UGT1A8: variants seen among roughly 807,000 people sequenced by gnomAD.
UGT1A8 encodes the protein UDP glucuronosyltransferase family 1 member A8.
A neutral mutation model predicts 45.3 loss-of-function variants in UGT1A8; 39 were observed. The ratio of observed to expected loss-of-function variants is 0.86; its 90% confidence interval spans 0.67 to 1.12. The LOEUF (loss-of-function observed/expected upper bound fraction) is 1.12, where lower values mean the gene tolerates loss of function less well. Among genes scored for constraint, UGT1A8 ranks in the 50% most tolerant of loss-of-function variants. The pLI is 0.00. For missense variants in UGT1A8, 719 were observed against 664.9 expected (o/e 1.08, Z -0.90); for synonymous variants, 275 against 249.2 (o/e 1.10, Z -0.97).
chr2:233,757,567 T>TATATATATATATATATA (rs1553619947), intron 1 of UGT1A8, among the ~76,000 whole-genome samples: 5 of 142,918 alleles, frequency 3.5e-5, no homozygotes, highest in Non-Finnish European at 7.6e-5. Context: ...TATATGTATA[T>TATATATATATATATATA]ATGATATAGC....
intron 1 of UGT1A8, among the ~76,000 whole-genome samples, chr2:233,651,821 A>G (rs1281933332): frequency 6.6e-6 from 1 of 152,204 alleles, no homozygotes; most frequent in African/African-American, 2.4e-5. Context: ...GTGCATGCAC[A>G]CATGTGTCAG....
At position 233,677,991 on chromosome 2, in the gene UGT1A8, A is replaced by G. The variant is rs184648971; in HGVS notation, c.855+59429A>G. 4.1e-3 allele frequency among the ~76,000 whole-genome samples: 623 copies of G among 152,320 alleles called. 2 individuals are homozygous for G. The highest frequency in any genetic ancestry group is 6.8e-3 in the Middle Eastern group (2 of 294). On this transcript the variant is annotated intron_variant, in intron 1 of 4. Transcript: ENST00000373450. ...ACTCCATGGAATATGCAGCCATAAAAAAAGAATGAAATCATGTCCTTTGTA... is the reference window on the plus strand; with the variant it reads ...ACTCCATGGAATATGCAGCCATAAAGAAAGAATGAAATCATGTCCTTTGTA...
chr2:233,633,206 G>A (rs2073222961), intron 1 of UGT1A8, among the ~76,000 whole-genome samples: 1 of 152,158 alleles, frequency 6.6e-6, no homozygotes, highest in African/African-American at 2.4e-5. Flanking sequence ...ACTGGACTCA[G>A]TTTGCCAGTA....
intron 1 of UGT1A8, chr2:233,636,591 C>A (rs538561016): frequency 6.2e-7 from 1 of 1,614,056 alleles, no homozygotes; most frequent in East Asian, 2.2e-5. Context: ...GTGGCTTTGC[C>A]GAGGCAGGGA....
intron 1 of UGT1A8, among the ~76,000 whole-genome samples, chr2:233,733,899 C>T (rs563890237): frequency 6.6e-6 from 1 of 151,930 alleles, no homozygotes; most frequent in Non-Finnish European, 1.5e-5. Flanking sequence ...CCTGTTTGTA[C>T]CTCTCTGGTA....
chr2:233,681,865 T>C, intron 1 of UGT1A8: 2 of 1,535,100 alleles, frequency 1.3e-6, no homozygotes. Flanking sequence ...GCAGGTTCTA[T>C]CTGTACTTCT....
chr2:233,745,013 A>G (rs1344188212), intron 1 of UGT1A8, among the ~76,000 whole-genome samples: 1 of 151,876 alleles, frequency 6.6e-6, no homozygotes, highest in Non-Finnish European at 1.5e-5. Context: ...TAATAAATGT[A>G]AATGCTATGT....
intron 1 of UGT1A8, among the ~76,000 whole-genome samples, chr2:233,722,617 C>G (rs1215514710): frequency 6.6e-6 from 1 of 152,088 alleles, no homozygotes; most frequent in African/African-American, 2.4e-5. Context: ...TTTGATTTTT[C>G]TTAATGAAGC....
intron 1 of UGT1A8, among the ~76,000 whole-genome samples, chr2:233,710,424 T>C (rs907239119): frequency 2.0e-5 from 3 of 152,248 alleles, no homozygotes; most frequent in African/African-American, 7.2e-5. Flanking sequence ...GTGCTAAGAC[T>C]TGCTATTTTT....
intron 1 of UGT1A8, among the ~76,000 whole-genome samples, chr2:233,649,413 AT>A (rs1298775776): frequency 6.6e-6 from 1 of 152,220 alleles, no homozygotes; most frequent in African/African-American, 2.4e-5. Context: ...TGAAAATTTC[AT>A]TTTTAACTAA....
At chr2:233,690,755 A>G (rs912560309) in intron 1 of UGT1A8, 32 of 1,132,230 alleles carry the variant, frequency 2.8e-5, no homozygotes, top group Non-Finnish European at 3.5e-5. Context: ...TGTCCAGTGC[A>G]GACATACACA....
At chr2:233,715,117 C>G (rs761696686) in intron 1 of UGT1A8, among the ~76,000 whole-genome samples, 1 of 152,142 alleles carries the variant, frequency 6.6e-6, no homozygotes, top group Non-Finnish European at 1.5e-5. Flanking sequence ...AATGCCTGAT[C>G]TCAAGTGATT....
intron 1 of UGT1A8, among the ~76,000 whole-genome samples, chr2:233,665,904 T>A (rs2074067734): frequency 6.6e-6 from 1 of 152,206 alleles, no homozygotes; most frequent in Non-Finnish European, 1.5e-5. Context: ...TCCCACCACC[T>A]GCATATGAGA....
At chr2:233,687,354 T>C (rs1345662003) in intron 1 of UGT1A8, among the ~76,000 whole-genome samples, 3 of 151,966 alleles carry the variant, frequency 2.0e-5, no homozygotes, top group African/African-American at 7.2e-5. Context: ...TTCAGATGGG[T>C]GGACTGTCTC....
chr2:233,747,271 C>T (rs1693606157), intron 1 of UGT1A8: 4 of 1,598,912 alleles, frequency 2.5e-6, no homozygotes, highest in Non-Finnish European at 8.5e-7. Flanking sequence ...GCTACTCCTT[C>T]TCAGTGCCCA....
Position 233,730,884 on chromosome 2 carries a change from T to A in UGT1A8, c.856-36150T>A, listed in dbSNP as rs1262820640. Among the ~76,000 whole-genome samples, 3 of 152,194 alleles carry A rather than the reference T, an allele frequency of 2.0e-5. No individual in the cohort carries two copies. In the South Asian group the frequency reaches 6.2e-4, roughly 32 times the overall value. On this transcript the variant is annotated intron_variant, in intron 1 of 4. Coordinates refer to ENST00000373450, the MANE Select transcript of UGT1A8 (RefSeq NM_019076.5). ...CCTACTGCACTCCAGGTTTCTATAG[T>A]GGGATCTACTCCTTTACCAAAAATT...
intron 1 of UGT1A8, among the ~76,000 whole-genome samples, chr2:233,715,183 G>A (rs1174195139): frequency 6.6e-6 from 1 of 152,120 alleles, no homozygotes; most frequent in South Asian, 2.1e-4. Flanking sequence ...ACCACACCTA[G>A]GCAATTTTTC....
chr2:233,743,204 C>G (rs187896113), intron 1 of UGT1A8: 8 of 388,962 alleles, frequency 2.1e-5, no homozygotes, highest in East Asian at 7.2e-5. Context: ...GGTGTCAATG[C>G]GGAGTAACTG....
intron 1 of UGT1A8, chr2:233,682,553 A>G (rs2074583970): frequency 1.2e-6 from 2 of 1,613,774 alleles, no homozygotes; most frequent in Non-Finnish European, 1.7e-6. Flanking sequence ...TTTCAAGGAG[A>G]GAGTATGGAA....
Sources: allele counts gnomAD v4.1 joint callset (sites outside exome capture counted in the v4.1 genomes callset), GRCh38; gene constraint gnomAD v4.1.1; transcripts MANE v1.5; gene names NCBI Gene and HGNC (gene_info 2026-07-23, HGNC 2026-07-21).